Variants in TXK observed in about 807,000 individuals in gnomAD.
TXK encodes TXK tyrosine kinase.
TXK carries 60 observed loss-of-function variants against 81.0 expected under a neutral mutation model. The observed-to-expected ratio is 0.74, with a 90% CI of 0.60 to 0.92. The LOEUF (loss-of-function observed/expected upper bound fraction) is 0.92. Among genes scored for constraint, TXK ranks in the 40% least tolerant of loss-of-function variants. The pLI is 0.00. For synonymous variants in TXK, 203 were observed against 210.7 expected (o/e 0.96, Z 0.32); for missense variants, 581 against 638.3 (o/e 0.91, Z 0.97).
chr4:48,067,433 C>T lies in TXK; in HGVS notation c.*204G>A. On this transcript the variant is annotated 3_prime_UTR_variant, in exon 15 of 15. Transcript: ENST00000264316. ...TATTTTACAGAAAAATAAGAGTGTG[C>T]AAATCCCTCTCACACATAGAAAAAC... 2 of 548,744 alleles carry T rather than the reference C, an allele frequency of 3.6e-6. No individual in the cohort carries two copies. The highest frequency in any genetic ancestry group is 2.3e-5 in the South Asian group (1 of 44,204). 34.0% of individuals were successfully genotyped at this position (548,744 alleles called of 1,614,324 possible). A position where few individuals can be genotyped will look rare whatever the true frequency, so the allele number is the denominator to read the frequency against.
At chr4:48,120,256 TATAC>T (rs1718920587) in intron 1 of TXK, among the ~76,000 whole-genome samples, 1 of 148,742 alleles carries the variant, frequency 6.7e-6, no homozygotes, top group East Asian at 2.0e-4. Flanking sequence ...TATGTGTATA[TATAC>T]ATACACACAT....
intron 1 of TXK, among the ~76,000 whole-genome samples, chr4:48,120,996 G>A (rs999415989): frequency 6.6e-6 from 1 of 152,088 alleles, no homozygotes; most frequent in African/African-American, 2.4e-5. Flanking sequence ...ATATCCCTTG[G>A]CTTTGCTCCT....
chr4:48,103,455 C>T lies in TXK; in HGVS notation c.501+1446G>A, dbSNP rs138519514. Among the ~76,000 whole-genome samples the T allele has an allele frequency of 3.0e-4, 46 of 152,348 alleles. 1 individual carries two copies. In the East Asian group the frequency reaches 8.1e-3, roughly 27 times the overall value. On this transcript the variant is annotated intron_variant, in intron 6 of 14. Transcript: ENST00000264316. ...CCATCCGTGGTCACCTGAGGATGGG[C>T]CTGTGTCCCTCATTCTCTGCCTATA...
chr4:48,129,289 T>TA (rs1227865902), intron 1 of TXK, among the ~76,000 whole-genome samples: 1 of 152,236 alleles, frequency 6.6e-6, no homozygotes, highest in Admixed American at 6.5e-5. Flanking sequence ...TTAGTTTTTC[T>TA]AAATGTATGG....
chr4:48,120,407 T>C (rs1718925711), intron 1 of TXK, among the ~76,000 whole-genome samples: 1 of 151,388 alleles, frequency 6.6e-6, no homozygotes, highest in South Asian at 2.1e-4. Flanking sequence ...TTACTTTAGC[T>C]GTTAAAAACA....
intron 14 of TXK, among the ~76,000 whole-genome samples, chr4:48,067,957 G>T (rs1189510989): frequency 6.6e-6 from 1 of 152,190 alleles, no homozygotes; most frequent in South Asian, 2.1e-4. Context: ...TCACAAAAAG[G>T]AAGAGAAAGA....
At chr4:48,098,150 T>C (rs773748460) in intron 6 of TXK, among the ~76,000 whole-genome samples, 40 of 152,164 alleles carry the variant, frequency 2.6e-4, no homozygotes, top group African/African-American at 9.6e-4. Flanking sequence ...GCACATGACA[T>C]GAAAAGAAGA....
At chr4:48,069,172 C>T (rs560821084) in intron 14 of TXK, among the ~76,000 whole-genome samples, 4 of 151,666 alleles carry the variant, frequency 2.6e-5, no homozygotes, top group Non-Finnish European at 4.4e-5. Context: ...CATGGTGGCA[C>T]ATCACTGTAG....
chr4:48,087,831 T>C (rs1047149513), intron 9 of TXK, among the ~76,000 whole-genome samples: 2 of 152,174 alleles, frequency 1.3e-5, no homozygotes, highest in Non-Finnish European at 2.9e-5. Flanking sequence ...AAGAAAAATA[T>C]TGATAAATTA....
chr4:48,071,805 G>A (rs540297441), intron 13 of TXK, 131 bp from the exon 14 acceptor site: 24 of 999,988 alleles, frequency 2.4e-5, no homozygotes, highest in South Asian at 2.0e-4. Context: ...CTGAATAACA[G>A]CGGTTCTGTC....
chr4:48,105,037 G>C, intron 5 of TXK, 82 bp from the exon 6 acceptor site: 2 of 968,780 alleles, frequency 2.1e-6, no homozygotes, highest in South Asian at 3.3e-5. Flanking sequence ...TCATTTTTAA[G>C]AACTTACTTC....
chr4:48,086,398 A>G, intron 10 of TXK, 68 bp downstream of exon 10: 4 of 1,542,030 alleles, frequency 2.6e-6, no homozygotes, highest in Middle Eastern at 1.7e-4. Context: ...GGCTGCCTCC[A>G]AAGCTCATGT....
In TXK at chr4:48,112,478, T is replaced by G. The variant is rs1219222595; in HGVS notation, c.209A>C (p.Lys70Thr). 1 of 1,614,142 alleles carries G rather than the reference T, an allele frequency of 6.2e-7. No homozygotes were observed. Among genetic ancestry groups the G allele is most frequent in the East Asian group, 2.2e-5 (1 of 44,894 alleles). ...AGAGGGTGGGAGGGGAGGCAGTGGCTTTCGTTTTGACGGCTGCACACGGCC... is the reference window on the plus strand; with the variant it reads ...AGAGGGTGGGAGGGGAGGCAGTGGCGTTCGTTTTGACGGCTGCACACGGCC... ...NTGRVQPSKR[K>T]PLPPLPPSEV... The change falls in exon 4 of 15, where the codon AAG (lysine) becomes ACG (threonine). Residue 70 changes from lysine to threonine, a missense_variant. Coordinates refer to ENST00000264316, the MANE Select transcript of TXK (RefSeq NM_003328.3).
At chr4:48,127,158 A>G (rs1031811794) in intron 1 of TXK, among the ~76,000 whole-genome samples, 1 of 152,224 alleles carries the variant, frequency 6.6e-6, no homozygotes, top group African/African-American at 2.4e-5. Flanking sequence ...TCCTCTGCCC[A>G]GCAGAGTTGC....
intron 1 of TXK, among the ~76,000 whole-genome samples, chr4:48,119,028 GA>G (rs1718882929): frequency 1.3e-5 from 2 of 152,204 alleles, no homozygotes; most frequent in Admixed American, 6.5e-5. Flanking sequence ...GAGTGAGAGA[GA>G]GTAAAATAGA....
chr4:48,073,502 A>AT (rs1481030683), intron 13 of TXK, among the ~76,000 whole-genome samples: 1 of 152,228 alleles, frequency 6.6e-6, no homozygotes, highest in African/African-American at 2.4e-5. Flanking sequence ...AGATGCCACC[A>AT]TTTTTTAAAC....
intron 9 of TXK, 124 bp from the exon 10 acceptor site, chr4:48,086,761 G>T (rs1717548340): frequency 2.4e-6 from 2 of 849,284 alleles, no homozygotes; most frequent in Non-Finnish European, 3.6e-6. Context: ...AAGTGGAGAG[G>T]ATATGAAGCC....
chr4:48,077,065 G>A (rs988254682), intron 11 of TXK, among the ~76,000 whole-genome samples: 1 of 151,990 alleles, frequency 6.6e-6, no homozygotes, highest in Non-Finnish European at 1.5e-5. Flanking sequence ...ATATCTTTGG[G>A]ATCTCTAATA....
At position 48,113,225 on chromosome 4, in the gene TXK, T is replaced by C. The variant is rs1211321722; in HGVS notation, c.156A>G (p.Gln52=). The C allele has an allele frequency of 6.2e-7, 1 of 1,613,396 alleles. No homozygotes were observed. The highest frequency in any genetic ancestry group is 1.1e-5 in the South Asian group (1 of 91,004). The change falls in exon 3 of 15, where the codon CAA becomes CAG. Residue 52 remains glutamine, a synonymous_variant. Coordinates refer to ENST00000264316, the MANE Select transcript of TXK (RefSeq NM_003328.3). ...TACTTACTTGCTTCTTATTTGACAA[T>C]TGGCTGAGCCACGGCCTGCGACGCT... ...YTQRRRPWLS[Q]LSNKKQSNTG...
Sources: allele counts gnomAD v4.1 joint callset (sites outside exome capture counted in the v4.1 genomes callset), GRCh38; gene constraint gnomAD v4.1.1; transcripts MANE v1.5; gene names NCBI Gene and HGNC (gene_info 2026-07-23, HGNC 2026-07-21).